Variants in SLC35F4 observed in about 807,000 individuals in gnomAD.
SLC35F4 encodes the protein solute carrier family 35 member F4, also known as chromosome 14 open reading frame 36.
A neutral mutation model predicts 44.2 loss-of-function variants in SLC35F4; 24 were observed. The ratio of observed to expected loss-of-function variants is 0.54; its 90% CI spans 0.39 to 0.76. SLC35F4 has a LOEUF of 0.76. Among genes scored for constraint, SLC35F4 ranks in the 30% least tolerant of loss-of-function variants. The pLI, the probability that SLC35F4 is intolerant of heterozygous loss-of-function variation, is 0.00. For synonymous variants in SLC35F4, 238 were observed against 223.6 expected (o/e 1.06, Z -0.57); for missense variants, 562 against 586.1 (o/e 0.96, Z 0.42).
At chr14:57,796,503 A>T (rs2140833262) in intron 1 of SLC35F4, among the ~76,000 whole-genome samples, 1 of 152,340 alleles carries the variant, frequency 6.6e-6, no homozygotes, top group East Asian at 1.9e-4. Flanking sequence ...ACAGGAAGAT[A>T]ACATATTTCT....
chr14:57,796,044 A>T (rs1030319928), intron 1 of SLC35F4, among the ~76,000 whole-genome samples: 1 of 152,126 alleles, frequency 6.6e-6, no homozygotes, highest in African/African-American at 2.4e-5. Flanking sequence ...AAGAACATGC[A>T]GTGTTTGGTT....
At chr14:57,698,360 C>A (rs1173413368) in intron 1 of SLC35F4, among the ~76,000 whole-genome samples, 2 of 152,146 alleles carry the variant, frequency 1.3e-5, no homozygotes, top group African/African-American at 2.4e-5. Context: ...AGTGCAATTG[C>A]TATTTTGAAG....
intron 1 of SLC35F4, among the ~76,000 whole-genome samples, chr14:57,627,409 C>T (rs144724297): frequency 9.9e-5 from 15 of 152,210 alleles, no homozygotes; most frequent in African/African-American, 2.6e-4. Flanking sequence ...GTGGTTAATA[C>T]GCTGTCTAGC....
intron 1 of SLC35F4, among the ~76,000 whole-genome samples, chr14:57,682,143 G>C (rs1393856829): frequency 6.6e-6 from 1 of 152,150 alleles, no homozygotes; most frequent in Non-Finnish European, 1.5e-5. Flanking sequence ...TCCCGTTACT[G>C]GGTATATACC....
At chr14:57,719,866 C>T (rs1488100998) in intron 1 of SLC35F4, among the ~76,000 whole-genome samples, 1 of 151,984 alleles carries the variant, frequency 6.6e-6, no homozygotes, top group Non-Finnish European at 1.5e-5. Flanking sequence ...ACAGTGGTGA[C>T]AGTAGGCATC....
intron 1 of SLC35F4, among the ~76,000 whole-genome samples, chr14:57,659,534 C>T (rs904595463): frequency 5.9e-5 from 9 of 152,092 alleles, no homozygotes; most frequent in Non-Finnish European, 1.3e-4. Context: ...GGAATAGTTA[C>T]TATTAGCATT....
intron 1 of SLC35F4, among the ~76,000 whole-genome samples, chr14:57,929,917 T>C (rs1030251707): frequency 3.9e-5 from 6 of 152,166 alleles, no homozygotes; most frequent in African/African-American, 1.2e-4. Context: ...GGGTGCTTTT[T>C]TTCCCTTCAC....
intron 1 of SLC35F4, among the ~76,000 whole-genome samples, chr14:57,676,280 G>GCAA (rs1208251811): frequency 5.3e-5 from 8 of 152,242 alleles, no homozygotes; most frequent in African/African-American, 1.7e-4. Flanking sequence ...GTCCTTTGCA[G>GCAA]CAACATGGAT....
chr14:57,589,375 A>G lies in SLC35F4; in HGVS notation c.428T>C (p.Val143Ala), dbSNP rs368820511. The G allele has an allele frequency of 1.9e-6, 3 of 1,613,830 alleles. No individual in the cohort carries two copies. The highest frequency in any genetic ancestry group is 1.7e-5 in the Admixed American group (1 of 59,992). ...AATTTTTACAATCTGTGTAGTTCCA[A>G]CCCAAGATGATGATACTGACAAGAT... The part of the protein sequence containing the change: ...LIILSVSSSW[V>A]GTTQIVKITY... Residue 143 changes from valine (V) to alanine (A), a missense_variant, in exon 3 of 8, where the codon GTT becomes GCT. Physicochemically the swap from Val to Ala is moderately conservative, Grantham distance 64. Coordinates refer to ENST00000556826, the MANE Select transcript of SLC35F4 (RefSeq NM_001306087.2).
chr14:57,590,226 C>CAAAAAAAA (rs55850524), intron 2 of SLC35F4, among the ~76,000 whole-genome samples: 2 of 119,178 alleles, frequency 1.7e-5, no homozygotes, highest in Admixed American at 8.5e-5. Context: ...CTTGTCTATG[C>CAAAAAAAA]AAAAAAAAAA....
At chr14:57,933,649 C>T (rs902391287) in intron 1 of SLC35F4, among the ~76,000 whole-genome samples, 5 of 152,168 alleles carry the variant, frequency 3.3e-5, no homozygotes, top group Non-Finnish European at 7.4e-5. Context: ...TGTGAAAGGT[C>T]GCTGGCTGTC....
chr14:57,708,507 C>G (rs1030514467), intron 1 of SLC35F4, among the ~76,000 whole-genome samples: 1 of 152,186 alleles, frequency 6.6e-6, no homozygotes, highest in Non-Finnish European at 1.5e-5. Flanking sequence ...ACAGTTACAA[C>G]TTGTTGAATG....
intron 1 of SLC35F4, among the ~76,000 whole-genome samples, chr14:57,847,702 A>C (rs551982422): frequency 1.8e-4 from 28 of 152,348 alleles, no homozygotes; most frequent in African/African-American, 6.5e-4. Context: ...CAATGTAACC[A>C]ACAGTCAGAT....
At chr14:57,857,021 A>G (rs1368149708) in intron 1 of SLC35F4, among the ~76,000 whole-genome samples, 1 of 152,040 alleles carries the variant, frequency 6.6e-6, no homozygotes, top group African/African-American at 2.4e-5. Context: ...CACGCCTGTA[A>G]TCCCAGCACT....
intron 1 of SLC35F4, among the ~76,000 whole-genome samples, chr14:57,660,423 C>T (rs955428639): frequency 3.3e-5 from 5 of 151,774 alleles, no homozygotes; most frequent in African/African-American, 9.7e-5. Flanking sequence ...CATCATGCTT[C>T]CTCAAATAAT....
At chr14:57,929,899 G>A (rs748357696) in intron 1 of SLC35F4, among the ~76,000 whole-genome samples, 4 of 152,114 alleles carry the variant, frequency 2.6e-5, no homozygotes, top group African/African-American at 7.2e-5. Flanking sequence ...CATCAACACC[G>A]ACAGTCTGGG....
At chr14:57,950,214 G>A (rs1459677491) in intron 1 of SLC35F4, among the ~76,000 whole-genome samples, 1 of 151,610 alleles carries the variant, frequency 6.6e-6, no homozygotes, top group Non-Finnish European at 1.5e-5. Flanking sequence ...TGGAAGCTTT[G>A]TTCAATTTTT....
intron 1 of SLC35F4, among the ~76,000 whole-genome samples, chr14:57,667,133 A>G (rs115136924): frequency 6.7e-6 from 1 of 150,052 alleles, no homozygotes; most frequent in African/African-American, 2.5e-5. Flanking sequence ...AATCACCACT[A>G]CTATACCCAC....
chr14:57,898,934 T>G (rs1038379302), intron 1 of SLC35F4, among the ~76,000 whole-genome samples: 1 of 152,156 alleles, frequency 6.6e-6, no homozygotes, highest in South Asian at 2.1e-4. Flanking sequence ...GGATCATGCC[T>G]CCAGAGTGAA....
Sources: gnomAD v4.1 joint callset for allele counts (sites outside exome capture counted in the v4.1 genomes callset) on GRCh38, gnomAD v4.1.1 for gene constraint, MANE v1.5 for transcripts, NCBI Gene and HGNC (gene_info 2026-07-23, HGNC 2026-07-21) for gene names.